Variants in CDH4 observed in about 807,000 individuals in gnomAD.
The protein encoded by CDH4 is cadherin 4.
CDH4 carries 33 observed loss-of-function variants against 86.0 expected under a neutral mutation model. The ratio of observed to expected loss-of-function variants is 0.38; its 90% confidence interval spans 0.29 to 0.51. The LOEUF is 0.51. CDH4 is among the 20% of genes least tolerant of loss of function. CDH4 has a pLI of 0.86. For missense variants in CDH4, 1,114 were observed against 1,307.4 expected (o/e 0.85, Z 2.28); for synonymous variants, 555 against 549.4 (o/e 1.01, Z -0.14).
chr20:61,549,707 G>C (rs1014648430), intron 2 of CDH4, among the ~76,000 whole-genome samples: 3 of 152,230 alleles, frequency 2.0e-5, no homozygotes, highest in African/African-American at 7.2e-5. Context: ...CTGGGGGCCA[G>C]GCAGTGTCAG....
At chr20:61,271,651 G>A (rs1474412010) in intron 2 of CDH4, among the ~76,000 whole-genome samples, 2 of 152,206 alleles carry the variant, frequency 1.3e-5, no homozygotes, top group African/African-American at 4.8e-5. Flanking sequence ...TCTTACAGCG[G>A]TGCGTGAAGC....
At chr20:61,934,465 CACAGGGCCGGGTGCACA>C (rs1488827661) in intron 15 of CDH4, among the ~76,000 whole-genome samples, 3 of 152,164 alleles carry the variant, frequency 2.0e-5, no homozygotes, top group Admixed American at 6.5e-5. Flanking sequence ...AGGATCAACA[CACAGGGCCGGGTGCACA>C]GCAGGGGCTT....
intron 2 of CDH4, among the ~76,000 whole-genome samples, chr20:61,454,350 TG>T (rs2085395984): frequency 6.6e-6 from 1 of 151,832 alleles, no homozygotes; most frequent in Admixed American, 6.6e-5. Flanking sequence ...GGGGGAAGGT[TG>T]TGATGGGAGG....
chr20:61,887,694 G>C (rs1984610636), intron 7 of CDH4, among the ~76,000 whole-genome samples: 1 of 152,244 alleles, frequency 6.6e-6, no homozygotes, highest in Admixed American at 6.5e-5. Flanking sequence ...CTTGGAGAAT[G>C]ATGTCATGCC....
intron 8 of CDH4, among the ~76,000 whole-genome samples, chr20:61,909,304 C>T (rs967286652): frequency 7.2e-5 from 11 of 152,142 alleles, no homozygotes; most frequent in Admixed American, 7.2e-4. Flanking sequence ...CTCAGCTGCA[C>T]GCAGCAACAC....
intron 2 of CDH4, among the ~76,000 whole-genome samples, chr20:61,625,562 T>A (rs528145169): frequency 6.6e-6 from 1 of 152,268 alleles, no homozygotes; most frequent in Non-Finnish European, 1.5e-5. Context: ...TATCAGCAGA[T>A]CAATGAAAAC....
intron 2 of CDH4, among the ~76,000 whole-genome samples, chr20:61,297,290 G>A (rs555316251): frequency 5.6e-4 from 85 of 152,326 alleles, no homozygotes; most frequent in African/African-American, 2.0e-3. Flanking sequence ...GGAGGCTGAG[G>A]CAGGAGAATC....
At chr20:61,868,750 T>A (rs62206355) in intron 6 of CDH4, among the ~76,000 whole-genome samples, 25,751 of 148,574 alleles carry the variant, frequency 0.17, 2,398 homozygotes, top group South Asian at 0.23. Flanking sequence ...CCTGGCCAGC[T>A]GGGTGCTTTC....
intron 3 of CDH4, among the ~76,000 whole-genome samples, chr20:61,744,465 GGA>G (rs1233935972): frequency 3.1e-5 from 1 of 32,306 alleles, no homozygotes. Context: ...AGAGAAGGAG[GGA>G]GAGAGATGGA....
At position 61,876,400 on chromosome 20, in the gene CDH4, C is replaced by G. The variant is rs1005421724; in HGVS notation, c.1050+2500C>G. Among the ~76,000 whole-genome samples the G allele has an allele frequency of 2.0e-5, 3 of 152,228 alleles. 1 individual carries two copies. The South Asian group carries it at 6.2e-4, about 32-fold the overall frequency. ...CGCAGGAAACCGTTCTCTCCCTACT[C>G]TATATCGGCCGCGAGAGAGCAACGT... is the stretch of plus-strand genomic sequence containing the variant. On this transcript the variant is annotated intron_variant, in intron 7 of 15. Coordinates refer to ENST00000614565, the MANE Select transcript of CDH4 (RefSeq NM_001794.5).
chr20:61,628,069 G>A (rs1300687489), intron 2 of CDH4, among the ~76,000 whole-genome samples: 2 of 152,114 alleles, frequency 1.3e-5, no homozygotes, highest in Non-Finnish European at 2.9e-5. Flanking sequence ...GTGTGGGGAC[G>A]CGTGGACACA....
chr20:61,720,941 G>A (rs1163682502), intron 2 of CDH4, among the ~76,000 whole-genome samples: 1 of 152,126 alleles, frequency 6.6e-6, no homozygotes, highest in African/African-American at 2.4e-5. Context: ...GGCTACAGGC[G>A]AGTGCCTGGT....
rs911280999 is a variant in CDH4 at position 61,393,313 on chromosome 20, G to A, written c.169+138376G>A. On this transcript the variant is annotated intron_variant, in intron 2 of 15. Coordinates refer to ENST00000614565, the MANE Select transcript of CDH4 (RefSeq NM_001794.5). The surrounding 1 kb of genome is among the most constrained non-coding windows in gnomAD (Gnocchi z 4.3). ...GAGAGAAACAGAAGGCCCAGCATCC[G>A]GTCTTCCAGTGGTGTGGGGGACAGC... is the stretch of plus-strand genomic sequence containing the variant. Among the ~76,000 whole-genome samples the A allele has an allele frequency of 5.3e-5, 8 of 151,980 alleles. No individual in the cohort carries two copies. Among genetic ancestry groups the A allele is most frequent in the African/African-American group, 1.9e-4 (8 of 41,414 alleles).
chr20:61,715,704 T>C (rs991528697), intron 2 of CDH4, among the ~76,000 whole-genome samples: 2 of 151,876 alleles, frequency 1.3e-5, no homozygotes, highest in Admixed American at 6.6e-5. Context: ...TTTGCCGGAG[T>C]CTGGGGACCC....
At chr20:61,838,360 AACAG>A (rs375935190) in intron 4 of CDH4, among the ~76,000 whole-genome samples, 92 of 152,060 alleles carry the variant, frequency 6.1e-4, no homozygotes, top group African/African-American at 2.2e-3. Flanking sequence ...CAGGCAGGGG[AACAG>A]ACAGAAACCC....
intron 2 of CDH4, among the ~76,000 whole-genome samples, chr20:61,523,443 A>G (rs1028774254): frequency 6.6e-6 from 1 of 152,262 alleles, no homozygotes; most frequent in African/African-American, 2.4e-5. Flanking sequence ...CACAACACAG[A>G]GAAGGCATTT....
intron 2 of CDH4, among the ~76,000 whole-genome samples, chr20:61,735,923 C>G (rs1037131367): frequency 2.0e-5 from 3 of 152,180 alleles, no homozygotes; most frequent in Non-Finnish European, 2.9e-5. Context: ...ACCGCAACAG[C>G]CTTCTAACTC....
chr20:61,815,786 C>G (rs550816948), intron 4 of CDH4, among the ~76,000 whole-genome samples: 2 of 152,214 alleles, frequency 1.3e-5, no homozygotes, highest in East Asian at 3.9e-4. Flanking sequence ...ACTGTTAATC[C>G]TAGATTATCA....
chr20:61,484,728 T>C (rs568969751), intron 2 of CDH4, among the ~76,000 whole-genome samples: 11 of 152,122 alleles, frequency 7.2e-5, no homozygotes, highest in African/African-American at 2.2e-4. Context: ...GAAAGAGCTA[T>C]CATGACCCTT....
Sources: allele counts gnomAD v4.1 joint callset (sites outside exome capture counted in the v4.1 genomes callset), GRCh38; gene constraint gnomAD v4.1.1; non-coding constraint Gnocchi (gnomAD v3.1); transcripts MANE v1.5; gene names NCBI Gene and HGNC (gene_info 2026-07-23, HGNC 2026-07-21).